The following SYN3 variants were observed in gnomAD, a reference collection of about 807,000 sequenced individuals.
SYN3 encodes the protein synapsin-3.
SYN3 carries 35 observed loss-of-function variants against 65.8 expected under a neutral mutation model. The ratio of observed to expected loss-of-function variants is 0.53; its 90% confidence interval spans 0.41 to 0.70. SYN3 has a LOEUF of 0.70. Ranked by LOEUF, SYN3 falls within the 30% of genes least tolerant of loss-of-function variation. The pLI, the probability that SYN3 is intolerant of heterozygous loss-of-function variation, is 0.00. For missense variants in SYN3, 680 were observed against 749.0 expected, an observed-to-expected ratio of 0.91 and a Z score of 1.08; for synonymous variants, 270 against 292.9, an observed-to-expected ratio of 0.92 and a Z score of 0.80.
intron 6 of SYN3, among the ~76,000 whole-genome samples, chr22:32,620,866 C>T (rs1964184): frequency 0.18 from 27,471 of 150,604 alleles, 2,764 homozygotes; most frequent in Non-Finnish European, 0.2. Flanking sequence ...ACTACAGGCA[C>T]GCGCCACCAA....
At chr22:33,023,862 C>T (rs9609681) in intron 1 of SYN3, among the ~76,000 whole-genome samples, 15,836 of 152,186 alleles carry the variant, frequency 0.1, 1,249 homozygotes, top group East Asian at 0.36. Flanking sequence ...GCAATACTCA[C>T]CTACTCTAAA....
Position 32,540,987 on chromosome 22 carries a change from T to C in SYN3, c.917+584A>G, listed in dbSNP as rs2058244916. 2.0e-5 allele frequency among the ~76,000 whole-genome samples: 3 copies of C among 152,164 alleles called. No individual in the cohort carries two copies. The South Asian group carries it at 6.2e-4, about 32-fold the overall frequency. On this transcript the variant is annotated intron_variant, in intron 8 of 13. Transcript: ENST00000358763. ...AATGTTTCTGAAATTGATAATTGAG[T>C]TGGGAGATATTTTTGTTTGCTTTTT...
chr22:32,594,942 A>C (rs1414182684), intron 7 of SYN3, among the ~76,000 whole-genome samples: 1 of 151,982 alleles, frequency 6.6e-6, no homozygotes, highest in African/African-American at 2.4e-5. Context: ...ACATTGTTTA[A>C]CTCCAGCTGT....
chr22:32,524,162 G>A (rs1032855528), intron 12 of SYN3, among the ~76,000 whole-genome samples: 3 of 152,256 alleles, frequency 2.0e-5, no homozygotes, highest in African/African-American at 7.2e-5. Flanking sequence ...TGACGAAGAA[G>A]CTGCAGCAAG....
At chr22:32,708,364 G>T (rs748193315) in intron 6 of SYN3, among the ~76,000 whole-genome samples, 1 of 152,162 alleles carries the variant, frequency 6.6e-6, no homozygotes, top group Non-Finnish European at 1.5e-5. Flanking sequence ...TGCACTCCAG[G>T]CGGCCCATTC....
intron 6 of SYN3, among the ~76,000 whole-genome samples, chr22:32,727,741 T>C (rs1202964388): frequency 2.0e-5 from 3 of 152,248 alleles, no homozygotes; most frequent in Admixed American, 1.3e-4. Flanking sequence ...TCAGTGATGT[T>C]GAGCTTTTTT....
chr22:32,705,440 CT>C lies in SYN3; in HGVS notation c.712-108705del, dbSNP rs548129442. On this transcript the variant is annotated intron_variant, in intron 6 of 13. Transcript: ENST00000358763. ...TGCCTATTTTTGTACCAGTACCATG[CT>C]GTTTTGGCTACTGTAGCCTTGTAGT... 3.1e-3 allele frequency among the ~76,000 whole-genome samples: 465 copies of C among 152,270 alleles called. 2 individuals are homozygous for C. The highest frequency in any genetic ancestry group is 4.9e-3 in the Non-Finnish European group (331 of 68,018).
At chr22:32,759,381 G>A (rs1350177674) in intron 6 of SYN3, among the ~76,000 whole-genome samples, 1 of 152,104 alleles carries the variant, frequency 6.6e-6, no homozygotes, top group Admixed American at 6.5e-5. Flanking sequence ...TATGTACAAG[G>A]GGCTCAACGA....
chr22:32,917,090 A>G (rs1394667136), intron 4 of SYN3, among the ~76,000 whole-genome samples: 3 of 152,208 alleles, frequency 2.0e-5, no homozygotes, highest in Non-Finnish European at 4.4e-5. Context: ...AGCATTCACT[A>G]TATTTCAGGC....
At chr22:32,816,623 G>A (rs1034285956) in intron 6 of SYN3, among the ~76,000 whole-genome samples, 1 of 152,130 alleles carries the variant, frequency 6.6e-6, no homozygotes, top group Non-Finnish European at 1.5e-5. Context: ...TATCCTGCCA[G>A]GTTAGAAAGA....
intron 6 of SYN3, among the ~76,000 whole-genome samples, chr22:32,830,230 C>T (rs1569258408): frequency 2.0e-5 from 3 of 152,136 alleles, no homozygotes; most frequent in African/African-American, 4.8e-5. Context: ...GGAAAGGGGG[C>T]CTCTCACAAA....
chr22:32,847,090 G>C (rs575853065), intron 6 of SYN3, among the ~76,000 whole-genome samples: 1 of 152,142 alleles, frequency 6.6e-6, no homozygotes, highest in African/African-American at 2.4e-5. Flanking sequence ...CACACCCCCC[G>C]GCCAAGACTC....
rs986791733 is a variant in SYN3, at chr22:32,657,126, T to C, written c.712-60390A>G. ...TCCTGAGCCACCCTCACTTCTCTTT[T>C]CTTTTTTTTCTTTTTGAGACGGAGT... is the stretch of plus-strand genomic sequence containing the variant. On this transcript the variant is annotated intron_variant, in intron 6 of 13. Transcript: ENST00000358763. 2.6e-5 allele frequency among the ~76,000 whole-genome samples: 4 copies of C among 151,370 alleles called. No homozygotes were observed. The South Asian group carries it at 8.4e-4, about 32-fold the overall frequency.
At chr22:32,869,758 C>T (rs1397361885) in intron 4 of SYN3, among the ~76,000 whole-genome samples, 3 of 149,244 alleles carry the variant, frequency 2.0e-5, no homozygotes, top group Non-Finnish European at 3.0e-5. Context: ...ATTTGATGGC[C>T]GAGCCCATGC....
At chr22:32,869,293 C>G (rs2048774996) in intron 4 of SYN3, among the ~76,000 whole-genome samples, 168 bp from the exon 5 acceptor site, 1 of 150,142 alleles carries the variant, frequency 6.7e-6, no homozygotes, top group Admixed American at 6.7e-5. Context: ...CACAGCTACT[C>G]CACTATAAAG....
chr22:33,009,957 G>A (rs566916954), intron 1 of SYN3, among the ~76,000 whole-genome samples: 1 of 152,172 alleles, frequency 6.6e-6, no homozygotes, highest in South Asian at 2.1e-4. Context: ...GCCAGGCTGG[G>A]CGTGGTGGCT....
At chr22:32,778,381 C>A (rs532261768) in intron 6 of SYN3, among the ~76,000 whole-genome samples, 4 of 152,134 alleles carry the variant, frequency 2.6e-5, no homozygotes, top group African/African-American at 7.2e-5. Flanking sequence ...CTCCGACTTC[C>A]GAGTTCAAGC....
chr22:32,788,095 G>A (rs1305970865), intron 6 of SYN3, among the ~76,000 whole-genome samples: 7 of 152,202 alleles, frequency 4.6e-5, no homozygotes, highest in Non-Finnish European at 1.0e-4. Context: ...TTGAGCAGAA[G>A]AGTAATATGA....
At chr22:32,561,114 C>T (rs1241154587) in intron 7 of SYN3, among the ~76,000 whole-genome samples, 1 of 152,152 alleles carries the variant, frequency 6.6e-6, no homozygotes, top group Non-Finnish European at 1.5e-5. Context: ...CCCAGTCAGA[C>T]GACAGAGAAA....
Sources: gnomAD v4.1 joint callset for allele counts (sites outside exome capture counted in the v4.1 genomes callset) on GRCh38, gnomAD v4.1.1 for gene constraint, MANE v1.5 for transcripts, NCBI Gene and HGNC (gene_info 2026-07-23, HGNC 2026-07-21) for gene names.